TRPC7: variants seen among roughly 807,000 people sequenced by gnomAD.
The protein encoded by TRPC7 is short transient receptor potential channel 7.
TRPC7 carries 42 observed loss-of-function variants against 90.1 expected under a neutral mutation model. The ratio of observed to expected loss-of-function variants is 0.47; its 90% CI spans 0.36 to 0.60. The LOEUF (loss-of-function observed/expected upper bound fraction) is 0.60. TRPC7 is among the 20% of genes least tolerant of loss of function. TRPC7 has a pLI of 0.00. For synonymous variants in TRPC7, 451 were observed against 436.3 expected (o/e 1.03, Z -0.42); for missense variants, 955 against 1,112.3 (o/e 0.86, Z 2.01).
At chr5:136,250,476 G>A (rs914643877) in intron 6 of TRPC7, among the ~76,000 whole-genome samples, 1 of 152,162 alleles carries the variant, frequency 6.6e-6, no homozygotes. Context: ...TAAGTGTCCA[G>A]CTGCTTTTTA....
rs1392230945 is a variant in TRPC7 at position 136,365,294 on chromosome 5, C to T, written c.-40G>A. 6.5e-7 allele frequency: 1 copy of T among 1,536,874 alleles called. No individual in the cohort carries two copies. Among genetic ancestry groups the T allele is most frequent in the African/African-American group, 1.4e-5 (1 of 73,006 alleles). ...GCAGGCTTGTTCCTCCTCTAGATGA[C>T]CGGAATCCGGTGTTGAGTCGCCAGA... On this transcript the variant is annotated 5_prime_UTR_variant, in exon 1 of 12. Transcript: ENST00000513104.
At chr5:136,304,187 C>G (rs1758518130) in intron 3 of TRPC7, among the ~76,000 whole-genome samples, 1 of 151,954 alleles carries the variant, frequency 6.6e-6, no homozygotes, top group Admixed American at 6.6e-5. Context: ...CTCTTGTATC[C>G]CCTCACCTTA....
At chr5:136,241,703 G>C (rs550956341) in intron 7 of TRPC7, among the ~76,000 whole-genome samples, 44 of 152,142 alleles carry the variant, frequency 2.9e-4, no homozygotes, top group African/African-American at 9.6e-4. Context: ...AAACAGGTGC[G>C]AGCCACCACG....
chr5:136,360,489 T>C (rs550722768), intron 1 of TRPC7, among the ~76,000 whole-genome samples: 12 of 152,318 alleles, frequency 7.9e-5, no homozygotes, highest in Non-Finnish European at 1.5e-4. Context: ...AAAATATGTG[T>C]ATAGCTAGTA....
chr5:136,360,221 T>C (rs569089556), intron 1 of TRPC7, among the ~76,000 whole-genome samples: 47 of 152,338 alleles, frequency 3.1e-4, no homozygotes, highest in African/African-American at 1.1e-3. Flanking sequence ...CCTGTGAATA[T>C]CATAGACACT....
Position 136,213,188 on chromosome 5 carries a change from A to G in TRPC7, c.*247T>C. 1 of 507,500 alleles carries G rather than the reference A, an allele frequency of 2.0e-6. No homozygotes were observed. Among genetic ancestry groups the G allele is most frequent in the Non-Finnish European group, 3.5e-6 (1 of 282,938 alleles). The allele number at this position is 507,500 out of a possible 1,614,324, so 31.4% of individuals were successfully genotyped here. A position where few individuals can be genotyped will look rare whatever the true frequency, so the allele number is the denominator to read the frequency against. The stretch of plus-strand genomic sequence containing the variant: ...CTGGACCAAAGGTCTCACACTCGTC[A>G]GGGGGCTGTTCCTCCCCTCCTCCCA... On this transcript the variant is annotated 3_prime_UTR_variant, in exon 12 of 12. Transcript: ENST00000513104.
intron 2 of TRPC7, among the ~76,000 whole-genome samples, chr5:136,335,627 G>C (rs1267343645): frequency 2.6e-5 from 4 of 151,958 alleles, no homozygotes; most frequent in Non-Finnish European, 5.9e-5. Context: ...CGAGAGGCCA[G>C]GCGCGGTGGC....
At chr5:136,321,460 A>G (rs190703963) in intron 2 of TRPC7, among the ~76,000 whole-genome samples, 1 of 152,212 alleles carries the variant, frequency 6.6e-6, no homozygotes, top group African/African-American at 2.4e-5. Context: ...ACTCTTACGC[A>G]TCGCAGCTTT....
intron 4 of TRPC7, among the ~76,000 whole-genome samples, chr5:136,270,059 C>T (rs928129098): frequency 1.3e-5 from 2 of 152,176 alleles, no homozygotes; most frequent in African/African-American, 4.8e-5. Context: ...AAAAGTCCTA[C>T]CAACTTTTAA....
At chr5:136,311,164 A>C (rs1758813625) in intron 3 of TRPC7, among the ~76,000 whole-genome samples, 2 of 152,078 alleles carry the variant, frequency 1.3e-5, no homozygotes, top group African/African-American at 4.8e-5. Context: ...ACTGATATGC[A>C]CAAAGTTTTC....
intron 4 of TRPC7, among the ~76,000 whole-genome samples, chr5:136,268,391 A>G (rs1757105490): frequency 6.6e-6 from 1 of 152,188 alleles, no homozygotes; most frequent in African/African-American, 2.4e-5. Context: ...GCAAGGTTTC[A>G]AGAATGTTAG....
At chr5:136,217,422 A>C (rs1164963472) in intron 10 of TRPC7, among the ~76,000 whole-genome samples, 1 of 152,196 alleles carries the variant, frequency 6.6e-6, no homozygotes, top group Non-Finnish European at 1.5e-5. Flanking sequence ...TGCCACAGAG[A>C]TGCTTCCTGG....
chr5:136,322,460 T>G (rs1248129282), intron 2 of TRPC7, among the ~76,000 whole-genome samples: 1 of 152,234 alleles, frequency 6.6e-6, no homozygotes, highest in Non-Finnish European at 1.5e-5. Flanking sequence ...GTTCTACCAT[T>G]TTATATTCTA....
intron 1 of TRPC7, among the ~76,000 whole-genome samples, chr5:136,358,383 TTATAC>T (rs1467295977): frequency 2.0e-5 from 3 of 152,208 alleles, no homozygotes; most frequent in African/African-American, 7.2e-5. Flanking sequence ...ATGCCAGGTA[TTATAC>T]TAAGAGCTTC....
At chr5:136,238,042 C>A (rs939068775) in intron 7 of TRPC7, among the ~76,000 whole-genome samples, 6 of 152,178 alleles carry the variant, frequency 3.9e-5, no homozygotes, top group Admixed American at 2.0e-4. Context: ...TGCACTCTGC[C>A]TGGGTGCACT....
chr5:136,339,681 G>A (rs1338537060), intron 2 of TRPC7, among the ~76,000 whole-genome samples: 3 of 151,964 alleles, frequency 2.0e-5, no homozygotes, highest in African/African-American at 7.3e-5. Context: ...ACATTCCTAT[G>A]ATTTCATCCC....
intron 1 of TRPC7, among the ~76,000 whole-genome samples, chr5:136,363,015 G>A (rs1172142083): frequency 1.3e-5 from 2 of 152,246 alleles, no homozygotes; most frequent in South Asian, 2.1e-4. Flanking sequence ...ACAAAATGCA[G>A]GAGCCATATA....
intron 3 of TRPC7, among the ~76,000 whole-genome samples, chr5:136,285,506 G>A (rs530783609): frequency 6.6e-6 from 1 of 152,306 alleles, no homozygotes; most frequent in South Asian, 2.1e-4. Context: ...GATTGAGAAA[G>A]TTCCTGGGCC....
intron 3 of TRPC7, among the ~76,000 whole-genome samples, chr5:136,280,963 C>A (rs529130542): frequency 3.9e-5 from 6 of 152,224 alleles, no homozygotes; most frequent in African/African-American, 1.4e-4. Context: ...GTGATTATGA[C>A]GACAGGGCCT....
Sources: gnomAD v4.1 joint callset for allele counts (sites outside exome capture counted in the v4.1 genomes callset) on GRCh38, gnomAD v4.1.1 for gene constraint, MANE v1.5 for transcripts, NCBI Gene and HGNC (gene_info 2026-07-23, HGNC 2026-07-21) for gene names.